Variants in REL observed in about 807,000 individuals in gnomAD.
The protein encoded by REL is proto-oncogene c-Rel.
REL carries 15 observed loss-of-function variants against 45.9 expected under a neutral mutation model. The observed-to-expected ratio is 0.33, with a 90% CI of 0.22 to 0.50. The LOEUF (loss-of-function observed/expected upper bound fraction) is 0.50. Ranked by LOEUF, REL falls within the 20% of genes least tolerant of loss-of-function variation. The probability of loss-of-function intolerance (pLI) is 0.98; values close to 1 mark genes in which losing one functional copy is unlikely to be tolerated. For synonymous variants in REL, 239 were observed against 242.1 expected, an observed-to-expected ratio of 0.99 and a Z score of 0.12; for missense variants, 601 against 715.2, an observed-to-expected ratio of 0.84 and a Z score of 1.82.
intron 1 of REL, among the ~76,000 whole-genome samples, chr2:60,890,176 G>A (rs1037670495): frequency 6.6e-6 from 1 of 152,174 alleles, no homozygotes; most frequent in African/African-American, 2.4e-5. Context: ...TTGTGGTTTT[G>A]ATTTGCATTT....
chr2:60,882,389 T>G (rs1650212921), intron 1 of REL, among the ~76,000 whole-genome samples: 1 of 152,146 alleles, frequency 6.6e-6, no homozygotes, highest in South Asian at 2.1e-4. Flanking sequence ...TTCGACCAAG[T>G]GTAGGCCGGG....
Position 60,894,788 on chromosome 2 carries a change from T to G in REL, c.302+243T>G, listed in dbSNP as rs1435141621. Among the ~76,000 whole-genome samples, 3 of 152,118 alleles carry G rather than the reference T, an allele frequency of 2.0e-5. No individual in the cohort carries two copies. The East Asian group carries it at 5.8e-4, about 29-fold the overall frequency. On this transcript the variant is annotated intron_variant, in intron 3 of 9. Coordinates refer to ENST00000394479, the MANE Select transcript of REL (RefSeq NM_001291746.2). ...ATTGTTATTAAAAGTAAACGTAAAC[T>G]TCTTGTATACTGTGATTTCCTTTCT...
Position 60,924,957 on chromosome 2 carries a change from A to C in REL, c.*2422A>C, listed in dbSNP as rs1674235009. ...GACTTTTGGTAATTCTGGCATTTAG[A>C]AACCTTTCACTTTGCTTCAAAACGT... On this transcript the variant is annotated 3_prime_UTR_variant, in exon 10 of 10. Coordinates refer to ENST00000394479, the MANE Select transcript of REL (RefSeq NM_001291746.2). The C allele has an allele frequency of 4.8e-6, 1 of 210,448 alleles. No homozygotes were observed. The highest frequency in any genetic ancestry group is 2.3e-5 in the African/African-American group (1 of 44,120). The allele number at this position is 210,448 out of a possible 1,614,324, so 13.0% of individuals were successfully genotyped here.
At chr2:60,897,839 C>T (rs189799159) in intron 3 of REL, among the ~76,000 whole-genome samples, 1 of 143,620 alleles carries the variant, frequency 7.0e-6, no homozygotes, top group East Asian at 2.0e-4. Flanking sequence ...CCAGCCTGGG[C>T]AACAGAGCGA....
rs753716961 is a variant in REL, at chr2:60,930,371, C to T, written c.*7836C>T. On this transcript the variant is annotated 3_prime_UTR_variant, in exon 10 of 10. Transcript: ENST00000394479. ...AGTAAGAAACCTGAGATGGACTTCT[C>T]ATTAGCATTAACTAGTTATTGCCCA... 1 of 152,286 alleles carries T rather than the reference C, an allele frequency of 6.6e-6. No individual in the cohort carries two copies. Among genetic ancestry groups the T allele is most frequent in the African/African-American group, 2.4e-5 (1 of 41,442 alleles). The allele number at this position is 152,286 out of a possible 1,614,324, so 9.4% of individuals were successfully genotyped here.
At chr2:60,888,110 G>A (rs921498089) in intron 1 of REL, among the ~76,000 whole-genome samples, 6 of 151,874 alleles carry the variant, frequency 4.0e-5, no homozygotes, top group Admixed American at 6.6e-5. Context: ...TGTATTTTTA[G>A]TAGAGATGGG....
At chr2:60,887,047 G>T (rs1413193862) in intron 1 of REL, among the ~76,000 whole-genome samples, 1 of 152,100 alleles carries the variant, frequency 6.6e-6, no homozygotes, top group Non-Finnish European at 1.5e-5. Context: ...TCTTAGTTAA[G>T]AGTACTTATT....
chr2:60,896,136 T>C (rs1260495774), intron 3 of REL, among the ~76,000 whole-genome samples: 1 of 151,970 alleles, frequency 6.6e-6, no homozygotes, highest in Non-Finnish European at 1.5e-5. Flanking sequence ...CCATGTTAGC[T>C]GATATTACAG....
intron 3 of REL, among the ~76,000 whole-genome samples, chr2:60,896,076 C>A (rs1307077933): frequency 1.3e-5 from 2 of 151,470 alleles, no homozygotes; most frequent in African/African-American, 4.9e-5. Flanking sequence ...GATTTCGGCT[C>A]ACTGCAACCT....
intron 4 of REL, among the ~76,000 whole-genome samples, chr2:60,901,722 G>C (rs961645107): frequency 2.6e-5 from 4 of 152,222 alleles, no homozygotes; most frequent in African/African-American, 9.6e-5. Flanking sequence ...CCCCTTTTGA[G>C]TGTTAAATAG....
rs1168539686 is a variant in REL at position 60,924,596 on chromosome 2, CT to C, written c.*2069del. Reference sequence around the variant, plus strand: ...AAAATGATGGTAGAATTTGGGTAATCTTTTTTTTCCTTTTATGAAAAGAGAT... The same window carrying C: ...AAAATGATGGTAGAATTTGGGTAATCTTTTTTTCCTTTTATGAAAAGAGAT... On this transcript the variant is annotated 3_prime_UTR_variant, in exon 10 of 10. Transcript: ENST00000394479. The C allele has an allele frequency of 1.9e-5, 4 of 213,836 alleles. No homozygotes were observed. Among genetic ancestry groups the C allele is most frequent in the Non-Finnish European group, 9.4e-6 (1 of 105,956 alleles). 13.2% of individuals were successfully genotyped at this position (213,836 alleles called of 1,614,324 possible).
chr2:60,916,595 C>G (rs916347260), intron 4 of REL, among the ~76,000 whole-genome samples: 2 of 152,086 alleles, frequency 1.3e-5, no homozygotes, highest in African/African-American at 4.8e-5. Context: ...TTTTTTAAAA[C>G]TTTGATTTGT....
At position 60,930,890 on chromosome 2, in the gene REL, T is replaced by C. The variant is rs1674370348; in HGVS notation, c.*8355T>C. On this transcript the variant is annotated 3_prime_UTR_variant, in exon 10 of 10. Transcript: ENST00000394479. ...AATTCATTAAACACTTGTGTGTGAATAGTAATACACAGTAATTAGTACAGC... is the reference window on the plus strand; with the variant it reads ...AATTCATTAAACACTTGTGTGTGAACAGTAATACACAGTAATTAGTACAGC... The C allele has an allele frequency of 6.6e-6, 1 of 152,362 alleles. No individual in the cohort carries two copies. Among genetic ancestry groups the C allele is most frequent in the Non-Finnish European group, 1.5e-5 (1 of 68,034 alleles). 9.4% of individuals were successfully genotyped at this position (152,362 alleles called of 1,614,324 possible).
At chr2:60,894,166 G>T (rs1345446944) in intron 2 of REL, among the ~76,000 whole-genome samples, 1 of 152,134 alleles carries the variant, frequency 6.6e-6, no homozygotes, top group African/African-American at 2.4e-5. Context: ...CCAGTCAAAT[G>T]ATATGACCAA....
intron 1 of REL, among the ~76,000 whole-genome samples, chr2:60,885,955 G>A (rs1673061785): frequency 6.6e-6 from 1 of 152,156 alleles, no homozygotes; most frequent in Non-Finnish European, 1.5e-5. Context: ...GCTTGCATTT[G>A]AATAAGGTTC....
chr2:60,906,145 C>T (rs974201357), intron 4 of REL, among the ~76,000 whole-genome samples: 6 of 152,158 alleles, frequency 3.9e-5, no homozygotes, highest in African/African-American at 9.7e-5. Context: ...TTCACTACCA[C>T]GAGAGCAGTA....
In REL at chr2:60,916,002, A is replaced by G. The variant is rs1013089280; in HGVS notation, c.395-875A>G. ...TGTATGTCATTTTTATGTACAACACATGTACAATTTTCTAATAGATTTCAA... is the reference window on the plus strand; with the variant it reads ...TGTATGTCATTTTTATGTACAACACGTGTACAATTTTCTAATAGATTTCAA... On this transcript the variant is annotated intron_variant, in intron 4 of 9. Transcript: ENST00000394479. 3.3e-5 allele frequency among the ~76,000 whole-genome samples: 5 copies of G among 152,322 alleles called. No homozygotes were observed. The East Asian group carries it at 5.8e-4, about 18-fold the overall frequency.
chr2:60,910,395 G>A (rs1673778711), intron 4 of REL, among the ~76,000 whole-genome samples: 1 of 151,058 alleles, frequency 6.6e-6, no homozygotes, highest in East Asian at 2.0e-4. Context: ...AACCCGGGAG[G>A]CGGAGCTTGC....
At chr2:60,889,790 A>G (rs566766656) in intron 1 of REL, among the ~76,000 whole-genome samples, 1 of 152,144 alleles carries the variant, frequency 6.6e-6, no homozygotes, top group African/African-American at 2.4e-5. Context: ...ATCCTTTTTT[A>G]TGGCTGCATA....
Sources: gnomAD v4.1 joint callset for allele counts (sites outside exome capture counted in the v4.1 genomes callset) on GRCh38, gnomAD v4.1.1 for gene constraint, MANE v1.5 for transcripts, NCBI Gene and HGNC (gene_info 2026-07-23, HGNC 2026-07-21) for gene names.